CDH12: variants seen among roughly 807,000 people sequenced by gnomAD.
CDH12 encodes the protein cadherin-12.
Under a neutral mutation model 74.1 loss-of-function variants are expected in CDH12, and 41 were observed. The ratio of observed to expected loss-of-function variants is 0.55; its 90% confidence interval spans 0.43 to 0.72. The LOEUF (loss-of-function observed/expected upper bound fraction) is 0.72. Ranked by LOEUF, CDH12 falls within the 30% of genes least tolerant of loss-of-function variation. The pLI, the probability that CDH12 is intolerant of heterozygous loss-of-function variation, is 0.00. For missense variants in CDH12, 945 were observed against 977.2 expected (o/e 0.97, Z 0.44); for synonymous variants, 399 against 355.0 (o/e 1.12, Z -1.39).
chr5:22,533,052 A>G (rs1049356444), intron 1 of CDH12, among the ~76,000 whole-genome samples: 5 of 152,116 alleles, frequency 3.3e-5, no homozygotes, highest in African/African-American at 1.2e-4. Flanking sequence ...TTATCAAAGA[A>G]AATAGATGTT....
intron 1 of CDH12, among the ~76,000 whole-genome samples, chr5:22,700,160 C>T (rs1372748711): frequency 6.6e-6 from 1 of 151,840 alleles, no homozygotes. Flanking sequence ...AAGTGAGACT[C>T]TGTCTCAAAA....
intron 1 of CDH12, among the ~76,000 whole-genome samples, chr5:22,686,842 C>A (rs575996993): frequency 6.6e-6 from 1 of 152,290 alleles, no homozygotes. Context: ...CTATTTCTAA[C>A]CCAAGGGTTG....
intron 10 of CDH12, among the ~76,000 whole-genome samples, chr5:21,789,856 T>C (rs901417144): frequency 6.6e-6 from 1 of 152,142 alleles, no homozygotes; most frequent in Admixed American, 6.6e-5. Context: ...GAGCAGAGAC[T>C]AGCTTTGTTC....
chr5:21,930,601 ATGT>A (rs1365550690), intron 6 of CDH12, among the ~76,000 whole-genome samples: 2 of 152,092 alleles, frequency 1.3e-5, no homozygotes, highest in Non-Finnish European at 2.9e-5. Flanking sequence ...CACTCAACAA[ATGT>A]TGGTGATTTT....
At chr5:22,046,430 C>CTTTTTTTTTTTTTT (rs11323330) in intron 5 of CDH12, among the ~76,000 whole-genome samples, 12 of 100,370 alleles carry the variant, frequency 1.2e-4, no homozygotes, top group African/African-American at 4.3e-4. Context: ...CATTTAATTT[C>CTTTTTTTTTTTTTT]TTTTTTTTTT....
At chr5:22,043,886 G>A (rs143788719) in intron 5 of CDH12, among the ~76,000 whole-genome samples, 1,762 of 152,006 alleles carry the variant, frequency 0.012, 28 homozygotes, top group African/African-American at 0.04. Context: ...AGCCATGAAG[G>A]AAAAGAGCTA....
chr5:22,563,076 T>TGATATATTTAAA (rs1739137849), intron 1 of CDH12, among the ~76,000 whole-genome samples: 1 of 147,210 alleles, frequency 6.8e-6, no homozygotes, highest in East Asian at 1.9e-4. Flanking sequence ...ATTTATATAT[T>TGATATATTTAAA]TATATATATA....
At chr5:21,791,558 T>C (rs1746498929) in intron 10 of CDH12, among the ~76,000 whole-genome samples, 1 of 151,960 alleles carries the variant, frequency 6.6e-6, no homozygotes, top group African/African-American at 2.4e-5. Flanking sequence ...AGAAAGTATG[T>C]TTGACTCATC....
At chr5:21,872,885 C>CATCCAT (rs1561260674) in intron 6 of CDH12, among the ~76,000 whole-genome samples, 6 of 148,538 alleles carry the variant, frequency 4.0e-5, no homozygotes, top group Non-Finnish European at 7.4e-5. Flanking sequence ...CAATCACCTA[C>CATCCAT]CTATCATCCA....
At chr5:22,514,233 A>G (rs1181318901) in intron 1 of CDH12, among the ~76,000 whole-genome samples, 1 of 152,104 alleles carries the variant, frequency 6.6e-6, no homozygotes, top group Admixed American at 6.5e-5. Context: ...CACACTGAAG[A>G]TTCCAGATAA....
rs577398433 is a variant in CDH12 at position 22,313,584 on chromosome 5, A to G, written c.-333+91673T>C. Among the ~76,000 whole-genome samples the G allele has an allele frequency of 2.0e-5, 3 of 152,326 alleles. No homozygotes were observed. The South Asian group carries it at 6.2e-4, about 32-fold the overall frequency. ...GATCACACTATATAAATTTTATTTT[A>G]AAATGATTAATCTGTGGATAAAGAA... On this transcript the variant is annotated intron_variant, in intron 3 of 14. Transcript: ENST00000382254.
chr5:21,799,858 A>G (rs189130595), intron 10 of CDH12, among the ~76,000 whole-genome samples: 5 of 152,240 alleles, frequency 3.3e-5, no homozygotes, highest in Non-Finnish European at 5.9e-5. Flanking sequence ...ACTGCACATG[A>G]GTGAGGACAC....
intron 1 of CDH12, among the ~76,000 whole-genome samples, chr5:22,533,146 G>T (rs1011418173): frequency 6.6e-6 from 1 of 151,768 alleles, no homozygotes; most frequent in Admixed American, 6.6e-5. Context: ...TGTATCAGTG[G>T]TTCTCAACAG....
intron 1 of CDH12, among the ~76,000 whole-genome samples, chr5:22,553,973 C>T (rs570837941): frequency 6.6e-6 from 1 of 152,244 alleles, no homozygotes; most frequent in African/African-American, 2.4e-5. Flanking sequence ...GAAATAAATA[C>T]ATCCTTAAGA....
intron 1 of CDH12, among the ~76,000 whole-genome samples, chr5:22,713,309 T>G (rs570281128): frequency 1.3e-5 from 2 of 151,456 alleles, no homozygotes; most frequent in African/African-American, 2.4e-5. Context: ...CCCCACTGAT[T>G]TTTTTGTATT....
intron 1 of CDH12, among the ~76,000 whole-genome samples, chr5:22,520,509 G>A (rs959147579): frequency 5.3e-5 from 8 of 152,046 alleles, no homozygotes; most frequent in Admixed American, 2.6e-4. Flanking sequence ...TAGTCTGGAG[G>A]GCATGGATAC....
At chr5:22,698,724 T>G (rs1264143542) in intron 1 of CDH12, among the ~76,000 whole-genome samples, 5,164 of 17,420 alleles carry the variant, frequency 0.3, 887 homozygotes, top group Admixed American at 0.44. Flanking sequence ...TATATATATA[T>G]ATATATATAT....
intron 1 of CDH12, among the ~76,000 whole-genome samples, chr5:22,679,717 C>T (rs2126926720): frequency 6.6e-6 from 1 of 152,100 alleles, no homozygotes; most frequent in African/African-American, 2.4e-5. Flanking sequence ...ATCATTTGCC[C>T]TTCTATTCCT....
intron 6 of CDH12, among the ~76,000 whole-genome samples, chr5:21,869,125 A>C (rs565636207): frequency 1.1e-3 from 160 of 152,302 alleles, no homozygotes; most frequent in African/African-American, 3.6e-3. Flanking sequence ...CAGTCTAAGA[A>C]GGGAGTTATA....
Sources: allele counts gnomAD v4.1 joint callset (sites outside exome capture counted in the v4.1 genomes callset), GRCh38; gene constraint gnomAD v4.1.1; transcripts MANE v1.5; gene names NCBI Gene and HGNC (gene_info 2026-07-23, HGNC 2026-07-21).